EGFLAM: variants seen among roughly 807,000 people sequenced by gnomAD.
EGFLAM encodes the protein EGF like, fibronectin type III and laminin G domains.
EGFLAM carries 79 observed loss-of-function variants against 113.1 expected under a neutral mutation model. The observed-to-expected ratio is 0.70, with a 90% confidence interval of 0.58 to 0.84. EGFLAM has a LOEUF of 0.84. EGFLAM is among the 40% of genes least tolerant of loss of function. The pLI is 0.00. For synonymous variants in EGFLAM, 504 were observed against 487.6 expected, an observed-to-expected ratio of 1.03 and a Z score of -0.44; for missense variants, 1,265 against 1,291.6, an observed-to-expected ratio of 0.98 and a Z score of 0.32.
chr5:38,356,787 T>C (rs776153987), intron 5 of EGFLAM, among the ~76,000 whole-genome samples: 7 of 152,218 alleles, frequency 4.6e-5, no homozygotes, highest in Non-Finnish European at 1.0e-4. Flanking sequence ...TATCCCATTA[T>C]AGGTGAGTGA....
chr5:38,293,563 CAT>C (rs1758388277), intron 1 of EGFLAM, among the ~76,000 whole-genome samples: 1 of 152,124 alleles, frequency 6.6e-6, no homozygotes. Flanking sequence ...AATGTGAAAA[CAT>C]ATTTTTTCCT....
intron 18 of EGFLAM, 35 bp from the exon 19 acceptor site, chr5:38,451,280 T>A: frequency 6.2e-7 from 1 of 1,600,344 alleles, no homozygotes; most frequent in Non-Finnish European, 8.5e-7. Context: ...ATGTTGGTGG[T>A]TGATTTGGTG....
At chr5:38,331,888 A>C (rs1739051977) in intron 1 of EGFLAM, among the ~76,000 whole-genome samples, 1 of 152,204 alleles carries the variant, frequency 6.6e-6, no homozygotes, top group South Asian at 2.1e-4. Flanking sequence ...TGCTGTATAT[A>C]TCCATGTGCA....
At position 38,438,260 on chromosome 5, in the gene EGFLAM, T is replaced by G. The variant is rs1222483300; in HGVS notation, c.2284-15T>G. On this transcript the variant is annotated splice_polypyrimidine_tract_variant and intron_variant, in intron 16 of 21. Coordinates refer to ENST00000322350, the MANE Select transcript of EGFLAM (RefSeq NM_152403.4). ...TTCTTAATTCCTGAATTTCTTTATG[T>G]TTTTCTCTCTCAAGATCATCCTGAA... 2 of 1,599,584 alleles carry G rather than the reference T, an allele frequency of 1.3e-6. No homozygotes were observed. Among genetic ancestry groups the G allele is most frequent in the Admixed American group, 3.4e-5 (2 of 58,488 alleles).
At chr5:38,354,853 C>T (rs1408029741) in intron 5 of EGFLAM, among the ~76,000 whole-genome samples, 2 of 152,096 alleles carry the variant, frequency 1.3e-5, no homozygotes, top group African/African-American at 4.8e-5. Flanking sequence ...TTAAAATTTT[C>T]TCTATATCTA....
intron 1 of EGFLAM, among the ~76,000 whole-genome samples, chr5:38,297,602 GAAA>G (rs913338315): frequency 2.0e-5 from 3 of 152,180 alleles, no homozygotes; most frequent in Non-Finnish European, 4.4e-5. Flanking sequence ...AATCACATCT[GAAA>G]TGGAAAGAAG....
intron 1 of EGFLAM, among the ~76,000 whole-genome samples, chr5:38,310,837 G>A (rs892962994): frequency 6.6e-5 from 10 of 152,090 alleles, no homozygotes; most frequent in Non-Finnish European, 1.2e-4. Context: ...CTCTTTCCTT[G>A]TCACAAAGAG....
chr5:38,369,827 T>A (rs1740157562), intron 5 of EGFLAM, among the ~76,000 whole-genome samples: 1 of 152,228 alleles, frequency 6.6e-6, no homozygotes, highest in African/African-American at 2.4e-5. Flanking sequence ...GTGAACAGAT[T>A]CTTCTTGGGT....
At chr5:38,422,521 T>C (rs1741864526) in intron 12 of EGFLAM, among the ~76,000 whole-genome samples, 1 of 152,118 alleles carries the variant, frequency 6.6e-6, no homozygotes, top group African/African-American at 2.4e-5. Flanking sequence ...TGTTCTTAAA[T>C]GGAGAAAAAT....
intron 6 of EGFLAM, chr5:38,404,012 C>T: frequency 6.3e-7 from 1 of 1,579,958 alleles, no homozygotes. Flanking sequence ...CCCACCTCCA[C>T]CAAGAAGTGC....
intron 6 of EGFLAM, among the ~76,000 whole-genome samples, chr5:38,370,846 C>T (rs1212997957): frequency 1.3e-5 from 2 of 152,162 alleles, no homozygotes; most frequent in East Asian, 1.9e-4. Flanking sequence ...CTTCAGCGTT[C>T]GTGTTCGCCT....
rs750554492 is a variant in EGFLAM, at chr5:38,431,296, C to G, written c.2166+8C>G. 6.2e-7 allele frequency: 1 copy of G among 1,611,378 alleles called. No individual in the cohort carries two copies. The highest frequency in any genetic ancestry group is 8.5e-7 in the Non-Finnish European group (1 of 1,177,784). On this transcript the variant is annotated splice_region_variant and intron_variant, in intron 15 of 21. Transcript: ENST00000322350. ...GTGGAGGGAATGGCAGAGGTAAGAA[C>G]AGTACACCTTTTCTCTTGATGGTTA...
intron 1 of EGFLAM, among the ~76,000 whole-genome samples, chr5:38,333,306 G>A (rs889575549): frequency 6.6e-6 from 1 of 152,050 alleles, no homozygotes; most frequent in South Asian, 2.1e-4. Context: ...TATTCCTCTG[G>A]GTGTATATCC....
chr5:38,286,132 T>C (rs1758154912), intron 1 of EGFLAM: 1 of 152,150 alleles, frequency 6.6e-6, no homozygotes, highest in Non-Finnish European at 1.5e-5. Context: ...AATATTTGCA[T>C]AGCTTAATTA....
chr5:38,367,931 G>T (rs1054960474), intron 5 of EGFLAM, among the ~76,000 whole-genome samples: 1 of 152,170 alleles, frequency 6.6e-6, no homozygotes, highest in African/African-American at 2.4e-5. Context: ...AAATGCTAAT[G>T]ATTTAATCTC....
At chr5:38,404,249 A>G (rs1741207653) in intron 6 of EGFLAM, among the ~76,000 whole-genome samples, 1 of 152,158 alleles carries the variant, frequency 6.6e-6, no homozygotes. Flanking sequence ...TCAAATTCAT[A>G]TGTTGAAATC....
chr5:38,426,383 C>T (rs567157880), intron 13 of EGFLAM, among the ~76,000 whole-genome samples: 1 of 152,120 alleles, frequency 6.6e-6, no homozygotes, highest in South Asian at 2.1e-4. Flanking sequence ...TTTGGAAAAT[C>T]ATTTTTGCAG....
Position 38,454,294 on chromosome 5 carries a change from C to T in EGFLAM, c.2687+2836C>T, listed in dbSNP as rs374852573. On this transcript the variant is annotated intron_variant, in intron 19 of 21. Transcript: ENST00000322350. ...TTAGAAACAAGCACCCGGGTGTTTC[C>T]GGGACCCATGCCCTGAGAAACAGGG... Among the ~76,000 whole-genome samples the T allele has an allele frequency of 5.9e-5, 9 of 152,228 alleles. No individual in the cohort carries two copies. In the South Asian group the frequency reaches 1.7e-3, roughly 28 times the overall value.
At position 38,435,078 on chromosome 5, in the gene EGFLAM, G is replaced by T; in HGVS notation, c.2167-59G>T. 2.1e-6 allele frequency: 3 copies of T among 1,444,670 alleles called. No homozygotes were observed. In the South Asian group the frequency reaches 3.5e-5, roughly 17 times the overall value. 89.5% of individuals were successfully genotyped at this position (1,444,670 alleles called of 1,614,324 possible). A position where few individuals can be genotyped will look rare whatever the true frequency, so the allele number is the denominator to read the frequency against. On this transcript the variant is annotated intron_variant, in intron 15 of 21. Coordinates refer to ENST00000322350, the MANE Select transcript of EGFLAM (RefSeq NM_152403.4). ...CCAACAGGGAACTGAAGACACATTT[G>T]ATCATTTTGAACATCTGTTTTAAAG...
Sources: gnomAD v4.1 joint callset for allele counts (sites outside exome capture counted in the v4.1 genomes callset) on GRCh38, gnomAD v4.1.1 for gene constraint, MANE v1.5 for transcripts, NCBI Gene and HGNC (gene_info 2026-07-23, HGNC 2026-07-21) for gene names.